Variants in EXOC4 observed in about 807,000 individuals in gnomAD.
The protein encoded by EXOC4 is SEC8-like 1.
In EXOC4, 71 loss-of-function variants were observed where a neutral mutation model predicts 107.2. That is an observed-to-expected ratio of 0.66 (90% CI 0.55 to 0.81). The LOEUF (loss-of-function observed/expected upper bound fraction) is 0.81. Ranked by LOEUF, EXOC4 falls within the 30% of genes least tolerant of loss-of-function variation. EXOC4 has a pLI of 0.00. For missense variants in EXOC4, 1,108 were observed against 1,189.6 expected, an observed-to-expected ratio of 0.93 and a Z score of 1.01; for synonymous variants, 456 against 441.2, an observed-to-expected ratio of 1.03 and a Z score of -0.42.
intron 4 of EXOC4, among the ~76,000 whole-genome samples, chr7:133,314,841 T>A (rs888671671): frequency 6.6e-6 from 1 of 152,228 alleles, no homozygotes; most frequent in Non-Finnish European, 1.5e-5. Flanking sequence ...TATTTAAATA[T>A]TTAGACAATG....
At chr7:133,486,863 A>G (rs1418194555) in intron 9 of EXOC4, among the ~76,000 whole-genome samples, 1 of 152,100 alleles carries the variant, frequency 6.6e-6, no homozygotes, top group African/African-American at 2.4e-5. Flanking sequence ...TTCTTTGTCT[A>G]TCCCTAAGAC....
chr7:133,699,150 ATGC>A (rs1284138049), intron 10 of EXOC4, among the ~76,000 whole-genome samples: 1 of 152,158 alleles, frequency 6.6e-6, no homozygotes, highest in African/African-American at 2.4e-5. Context: ...AGTGTTTAAA[ATGC>A]ATGTTCTTAC....
chr7:133,927,018 T>A (rs1055723732), intron 13 of EXOC4, among the ~76,000 whole-genome samples: 2 of 152,174 alleles, frequency 1.3e-5, no homozygotes, highest in East Asian at 3.8e-4. Flanking sequence ...TTTGCACTTT[T>A]ACTTTTCTTC....
intron 10 of EXOC4, among the ~76,000 whole-genome samples, chr7:133,644,036 C>G (rs1220396668): frequency 6.6e-6 from 1 of 152,166 alleles, no homozygotes. Context: ...ACCCGGCCTC[C>G]CGTTCATTCA....
chr7:133,671,535 C>A (rs1793945614), intron 10 of EXOC4, among the ~76,000 whole-genome samples: 1 of 152,062 alleles, frequency 6.6e-6, no homozygotes, highest in Non-Finnish European at 1.5e-5. Context: ...CCACTGCACT[C>A]CAGCCTGGGC....
At chr7:133,810,591 C>G (rs1291574821) in intron 10 of EXOC4, among the ~76,000 whole-genome samples, 1 of 71,148 alleles carries the variant, frequency 1.4e-5, no homozygotes, top group Non-Finnish European at 3.3e-5. Context: ...AAGATCCATG[C>G]TTTGCTTTAT....
chr7:133,320,250 G>A (rs1049692797), intron 5 of EXOC4, among the ~76,000 whole-genome samples: 1 of 152,172 alleles, frequency 6.6e-6, no homozygotes, highest in Non-Finnish European at 1.5e-5. Flanking sequence ...AGTTTTGTAG[G>A]TGAGAAGTCT....
intron 11 of EXOC4, among the ~76,000 whole-genome samples, chr7:133,848,496 GACA>G (rs1481593519): frequency 7.9e-5 from 12 of 152,172 alleles, no homozygotes; most frequent in Non-Finnish European, 1.8e-4. Context: ...TGTCTAAAAG[GACA>G]ACTGTGGAAG....
intron 11 of EXOC4, among the ~76,000 whole-genome samples, chr7:133,892,557 G>T (rs1799219462): frequency 3.9e-5 from 1 of 25,820 alleles, no homozygotes; most frequent in Admixed American, 2.8e-4. Flanking sequence ...TCTCTTGTGG[G>T]CATTTAGTGC....
chr7:133,823,894 TTTATATATATATATATAA>T lies in EXOC4; in HGVS notation c.1734+6351_1734+6368del, dbSNP rs1563015094. Reference sequence around the variant, plus strand: ...ATATTATATATATATATATATATATTTTATATATATATATATAAATATATATATAAATTATATATATAT... The same window carrying T: ...ATATTATATATATATATATATATATTATATATATATAAATTATATATATAT... On this transcript the variant is annotated intron_variant, in intron 11 of 17. Transcript: ENST00000253861. Among the ~76,000 whole-genome samples the T allele has an allele frequency of 1.0e-3, 18 of 17,680 alleles. 1 individual carries two copies. The highest frequency in any genetic ancestry group is 1.4e-3 in the Non-Finnish European group (16 of 11,616). 11.6% of individuals were successfully genotyped at this position (17,680 alleles called of 152,430 possible). A position where few individuals can be genotyped will look rare whatever the true frequency, so the allele number is the denominator to read the frequency against.
intron 2 of EXOC4, among the ~76,000 whole-genome samples, chr7:133,280,340 A>G (rs1794104210): frequency 6.6e-6 from 1 of 152,226 alleles, no homozygotes; most frequent in East Asian, 1.9e-4. Context: ...GTCTCTCATA[A>G]TAACAACTGA....
At chr7:133,278,817 CT>C (rs138202310) in intron 2 of EXOC4, among the ~76,000 whole-genome samples, 1 of 151,720 alleles carries the variant, frequency 6.6e-6, no homozygotes, top group Non-Finnish European at 1.5e-5. Context: ...TGGCTAACAT[CT>C]TTTTTTTACT....
At chr7:134,041,911 T>A (rs1795528701) in intron 17 of EXOC4, among the ~76,000 whole-genome samples, 1 of 152,192 alleles carries the variant, frequency 6.6e-6, no homozygotes, top group Admixed American at 6.5e-5. Flanking sequence ...TTAAAGGCTT[T>A]AAAAATCCTC....
chr7:133,353,709 T>C (rs1795961508), intron 5 of EXOC4, among the ~76,000 whole-genome samples: 1 of 152,156 alleles, frequency 6.6e-6, no homozygotes, highest in South Asian at 2.1e-4. Context: ...TCTTCTATTA[T>C]TTCTTTAAAT....
intron 5 of EXOC4, among the ~76,000 whole-genome samples, chr7:133,355,601 T>G (rs1796003745): frequency 6.6e-6 from 1 of 152,092 alleles, no homozygotes; most frequent in Non-Finnish European, 1.5e-5. Flanking sequence ...TCCATTTCAG[T>G]GCCAAATTGT....
intron 7 of EXOC4, among the ~76,000 whole-genome samples, chr7:133,438,511 G>A (rs190955882): frequency 1.6e-4 from 24 of 152,124 alleles, no homozygotes; most frequent in Admixed American, 3.3e-4. Context: ...ATATACTCTG[G>A]TTTCAAGCTT....
intron 10 of EXOC4, among the ~76,000 whole-genome samples, chr7:133,661,624 G>T (rs952483947): frequency 1.5e-5 from 2 of 134,058 alleles, no homozygotes; most frequent in Admixed American, 1.7e-4. Context: ...GAGGAGCTTC[G>T]TCCTTCTGCC....
At chr7:133,848,173 T>A (rs992003406) in intron 11 of EXOC4, among the ~76,000 whole-genome samples, 3 of 152,126 alleles carry the variant, frequency 2.0e-5, no homozygotes, top group Admixed American at 6.5e-5. Flanking sequence ...GTGATTCTAA[T>A]CTGAAACCCC....
In EXOC4 at chr7:134,005,221, C is replaced by T. The variant is rs1585315743; in HGVS notation, c.2527+131C>T. The stretch of plus-strand genomic sequence containing the variant: ...GCTTGCTTGCTTGTTTGAACTAAAT[C>T]TGCAATACCTAGCCTCTTTGTGTAT... On this transcript the variant is annotated intron_variant, in intron 16 of 17. Transcript: ENST00000253861. The T allele has an allele frequency of 5.8e-6, 5 of 860,164 alleles. No individual in the cohort carries two copies. The East Asian group carries it at 1.2e-4, about 21-fold the overall frequency. 53.3% of individuals were successfully genotyped at this position (860,164 alleles called of 1,614,324 possible). A position where few individuals can be genotyped will look rare whatever the true frequency, so the allele number is the denominator to read the frequency against.
Sources: allele counts gnomAD v4.1 joint callset (sites outside exome capture counted in the v4.1 genomes callset), GRCh38; gene constraint gnomAD v4.1.1; transcripts MANE v1.5; gene names NCBI Gene and HGNC (gene_info 2026-07-23, HGNC 2026-07-21).